Variants in DACH2 observed in about 807,000 individuals in gnomAD.
DACH2 encodes the protein dachshund homolog 2.
In DACH2, 17 loss-of-function variants were observed where a neutral mutation model predicts 35.8. That is an observed-to-expected ratio of 0.48 (90% CI 0.33 to 0.71). DACH2 has a LOEUF of 0.71. Among genes scored for constraint, DACH2 ranks in the 30% least tolerant of loss-of-function variants. DACH2 has a pLI of 0.02. For synonymous variants in DACH2, 195 were observed against 177.3 expected, an observed-to-expected ratio of 1.10 and a Z score of -0.79; for missense variants, 469 against 472.7, an observed-to-expected ratio of 0.99 and a Z score of 0.07.
Position 86,527,781 on chromosome X carries a change from C to T in DACH2, c.640+13390C>T, listed in dbSNP as rs922136858. Among the ~76,000 whole-genome samples the T allele has an allele frequency of 3.6e-5, 4 of 111,509 alleles. No individual in the cohort carries two copies. In the Admixed American group the frequency reaches 3.8e-4, roughly 11 times the overall value. On this transcript the variant is annotated intron_variant, in intron 3 of 11. Coordinates refer to ENST00000373125, the MANE Select transcript of DACH2 (RefSeq NM_053281.3). ...TATAGGAAACTTTAAAACTGTCTTC[C>T]CAAGTCGTGTCATTTTGCATTCCTG...
At chrX:86,480,752 G>A (rs2037924552) in intron 2 of DACH2, among the ~76,000 whole-genome samples, 1 of 112,035 alleles carries the variant, frequency 8.9e-6, no homozygotes, top group African/African-American at 3.2e-5. Context: ...AATCTTTTCT[G>A]ATAAAATAAT....
chrX:86,549,590 A>G (rs754201221), intron 3 of DACH2, among the ~76,000 whole-genome samples: 1 of 109,197 alleles, frequency 9.2e-6, no homozygotes, highest in Admixed American at 9.8e-5. Flanking sequence ...TTAAATTTTT[A>G]TTTTTGCCTT....
chrX:86,472,037 G>A (rs533623262), intron 2 of DACH2, among the ~76,000 whole-genome samples: 1 of 111,911 alleles, frequency 8.9e-6, no homozygotes, highest in African/African-American at 3.2e-5. Flanking sequence ...TGATTAATTG[G>A]TTAATTTAAA....
chrX:86,715,863 A>AAT (rs1193140508), intron 6 of DACH2, among the ~76,000 whole-genome samples: 2 of 111,424 alleles, frequency 1.8e-5, no homozygotes, highest in Non-Finnish European at 3.8e-5. Flanking sequence ...TGAGCCTTGC[A>AAT]ATATTGATAT....
chrX:86,447,139 G>T (rs1419131329), intron 2 of DACH2, among the ~76,000 whole-genome samples: 20 of 100,308 alleles, frequency 2.0e-4, no homozygotes, highest in African/African-American at 5.9e-4. Flanking sequence ...TTTTGATGGG[G>T]TTTTTTGTTT....
intron 1 of DACH2, among the ~76,000 whole-genome samples, chrX:86,217,420 G>A (rs2032602610): frequency 9.0e-6 from 1 of 111,443 alleles, no homozygotes; most frequent in Non-Finnish European, 1.9e-5. Context: ...TGACCTGTTA[G>A]GGAAGTAATA....
chrX:86,296,095 C>T lies in DACH2; in HGVS notation c.489-80729C>T, dbSNP rs759444552. Among the ~76,000 whole-genome samples, 4 of 110,458 alleles carry T rather than the reference C, an allele frequency of 3.6e-5. No individual in the cohort carries two copies. The East Asian group carries it at 1.1e-3, about 31-fold the overall frequency. ...TTTGTGAAAATTATATATGAAATAT[C>T]TTGGCCGGGCGAGGTGGCTCACGCT... is the stretch of plus-strand genomic sequence containing the variant. On this transcript the variant is annotated intron_variant, in intron 1 of 11. Transcript: ENST00000373125.
chrX:86,396,685 G>T (rs1320264708), intron 2 of DACH2, among the ~76,000 whole-genome samples: 3 of 111,188 alleles, frequency 2.7e-5, no homozygotes, highest in African/African-American at 9.9e-5. Context: ...GTTTGTCAAA[G>T]ATCAGATAGT....
intron 6 of DACH2, among the ~76,000 whole-genome samples, chrX:86,719,620 T>G (rs1316056570): frequency 9.0e-6 from 1 of 111,404 alleles, no homozygotes; most frequent in Non-Finnish European, 1.9e-5. Flanking sequence ...AGGCAACTGT[T>G]CACAGGGCAG....
intron 6 of DACH2, among the ~76,000 whole-genome samples, chrX:86,733,601 A>T (rs866251144): frequency 8.0e-5 from 9 of 111,929 alleles, no homozygotes; most frequent in Non-Finnish European, 1.7e-4. Flanking sequence ...TCCCTGTTTG[A>T]CATTTAAGTG....
rs1339165223 is a variant in DACH2, at chrX:86,578,083, C to G, written c.640+63692C>G. Among the ~76,000 whole-genome samples, 4 of 111,305 alleles carry G rather than the reference C, an allele frequency of 3.6e-5. No individual in the cohort carries two copies. In the East Asian group the frequency reaches 1.1e-3, roughly 32 times the overall value. On this transcript the variant is annotated intron_variant, in intron 3 of 11. Transcript: ENST00000373125. ...GAACCCAAACTTGAAACCTATGGGC[C>G]AGAACTTTCAGAGACCCAGGCTTGA...
intron 2 of DACH2, among the ~76,000 whole-genome samples, chrX:86,492,262 A>G (rs1027879038): frequency 9.9e-5 from 11 of 111,241 alleles, no homozygotes; most frequent in African/African-American, 3.6e-4. Flanking sequence ...AATAAAATAC[A>G]CATAGTATTC....
At chrX:86,584,352 C>T (rs978531236) in intron 3 of DACH2, among the ~76,000 whole-genome samples, 5 of 110,027 alleles carry the variant, frequency 4.5e-5, no homozygotes, top group Admixed American at 2.9e-4. Flanking sequence ...TTTCTGATAC[C>T]TTTGCCATTT....
chrX:86,614,109 A>G (rs1440155798), intron 3 of DACH2, among the ~76,000 whole-genome samples: 2 of 111,962 alleles, frequency 1.8e-5, no homozygotes, highest in African/African-American at 3.2e-5. Context: ...CAAGTGAGAT[A>G]CCTGATCTAC....
intron 2 of DACH2, among the ~76,000 whole-genome samples, chrX:86,406,145 C>T (rs968818802): frequency 3.6e-5 from 4 of 111,572 alleles, no homozygotes; most frequent in Non-Finnish European, 7.5e-5. Context: ...AATCTACATG[C>T]CTATCAGTGG....
chrX:86,370,332 A>T (rs1369660180), intron 1 of DACH2, among the ~76,000 whole-genome samples: 1 of 111,651 alleles, frequency 9.0e-6, no homozygotes, highest in Non-Finnish European at 1.9e-5. Context: ...GTTAGCTAAA[A>T]GCTGATAAAG....
At position 86,282,473 on chromosome X, in the gene DACH2, C is replaced by T. The variant is rs764317449; in HGVS notation, c.489-94351C>T. 5.0e-3 allele frequency among the ~76,000 whole-genome samples: 554 copies of T among 111,310 alleles called. 2 individuals carry two copies. The highest frequency in any genetic ancestry group is 7.5e-3 in the Non-Finnish European group (397 of 53,065). On this transcript the variant is annotated intron_variant, in intron 1 of 11. Transcript: ENST00000373125. The stretch of plus-strand genomic sequence containing the variant: ...ATATACAGAAAAAGGAAACTGGTCC[C>T]CTTCCTTACACCTTATATAAAAATT...
At chrX:86,746,664 G>A (rs2041715376) in intron 7 of DACH2, among the ~76,000 whole-genome samples, 1 of 110,656 alleles carries the variant, frequency 9.0e-6, no homozygotes, top group South Asian at 3.8e-4. Flanking sequence ...TTTATATTAT[G>A]GATACAATAT....
chrX:86,150,747 A>G (rs1371429940), intron 1 of DACH2, among the ~76,000 whole-genome samples: 4 of 112,163 alleles, frequency 3.6e-5, no homozygotes, highest in Non-Finnish European at 7.5e-5. Context: ...TTTCGACTAC[A>G]AAGCATTTTA....
Sources: gnomAD v4.1 joint callset for allele counts (sites outside exome capture counted in the v4.1 genomes callset) on GRCh38, gnomAD v4.1.1 for gene constraint, MANE v1.5 for transcripts, NCBI Gene and HGNC (gene_info 2026-07-23, HGNC 2026-07-21) for gene names.